Variants in PPP1R1A observed in about 807,000 individuals in gnomAD.
The protein encoded by PPP1R1A is protein phosphatase 1 regulatory subunit 1A.
Under a neutral mutation model 23.9 loss-of-function variants are expected in PPP1R1A, and 18 were observed. That is an observed-to-expected ratio of 0.75 (90% CI 0.52 to 1.12). The LOEUF is 1.12. Among genes scored for constraint, PPP1R1A ranks in the 50% most tolerant of loss-of-function variants. PPP1R1A has a pLI of 0.00. For synonymous variants in PPP1R1A, 84 were observed against 80.7 expected, an observed-to-expected ratio of 1.04 and a Z score of -0.22; for missense variants, 207 against 223.8, an observed-to-expected ratio of 0.92 and a Z score of 0.48.
intron 1 of PPP1R1A, among the ~76,000 whole-genome samples, chr12:54,587,814 C>T (rs1272948973): frequency 6.6e-6 from 1 of 152,178 alleles, no homozygotes; most frequent in East Asian, 1.9e-4. Flanking sequence ...GCCTACAACT[C>T]GACCACCCCT....
Position 54,581,777 on chromosome 12 carries a change from T to G in PPP1R1A, c.403+199A>C, listed in dbSNP as rs1957857786. On this transcript the variant is annotated intron_variant, in intron 5 of 6. Coordinates refer to ENST00000257905, the MANE Select transcript of PPP1R1A (RefSeq NM_006741.4). The surrounding 1 kb of genome is among the most constrained non-coding windows in gnomAD (Gnocchi z 4.1). ...GCTCTGAGGTTCAAGTTGGGAGGGC[T>G]TGGTGTCACTCAGTAAGGAAAAGTG... Among the ~76,000 whole-genome samples, 1 of 152,232 alleles carries G rather than the reference T, an allele frequency of 6.6e-6. No individual in the cohort carries two copies. Among genetic ancestry groups the G allele is most frequent in the African/African-American group, 2.4e-5 (1 of 41,452 alleles).
Position 54,581,897 on chromosome 12 carries a change from C to A in PPP1R1A, c.403+79G>T. 6.7e-7 allele frequency: 1 copy of A among 1,491,818 alleles called. No homozygotes were observed. Among genetic ancestry groups the A allele is most frequent in the South Asian group, 1.4e-5 (1 of 72,768 alleles). The allele number at this position is 1,491,818 out of a possible 1,614,324, so 92.4% of individuals were successfully genotyped here. On this transcript the variant is annotated intron_variant, in intron 5 of 6. Coordinates refer to ENST00000257905, the MANE Select transcript of PPP1R1A (RefSeq NM_006741.4). This position sits in a 1 kb window ranked among gnomAD's most constrained non-coding sequence, Gnocchi z 4.1. ...CCTCTCCCAGGCTCCAACTCTTTCC[C>A]CTCCCCGCAGTGGGTAAGGCTTGCC...
Position 54,580,079 on chromosome 12 carries a change from TC to T in PPP1R1A, c.*307del. On this transcript the variant is annotated 3_prime_UTR_variant, in exon 7 of 7. Coordinates refer to ENST00000257905, the MANE Select transcript of PPP1R1A (RefSeq NM_006741.4). ...CCACCTATCTGACCCTCATCTCTCT[TC>T]CCACAGCAAGTAAAGTCAGGGCTAA... is the stretch of plus-strand genomic sequence containing the variant. 1 of 1,103,952 alleles carries T rather than the reference TC, an allele frequency of 9.1e-7. No homozygotes were observed. Among genetic ancestry groups the T allele is most frequent in the Non-Finnish European group, 1.1e-6 (1 of 902,028 alleles). 68.4% of individuals were successfully genotyped at this position (1,103,952 alleles called of 1,614,324 possible).
In PPP1R1A at chr12:54,579,465, CTG is replaced by C. The variant is rs578040467; in HGVS notation, c.*920_*921del. On this transcript the variant is annotated 3_prime_UTR_variant, in exon 7 of 7. Coordinates refer to ENST00000257905, the MANE Select transcript of PPP1R1A (RefSeq NM_006741.4). ...CGCTTCTCAGGCTCTGCTCTTGCCT[CTG>C]TACCACATGCTTCAGCAGGGAGGGG... is the stretch of plus-strand genomic sequence containing the variant. 1.6e-4 allele frequency: 159 copies of C among 985,410 alleles called. No homozygotes were observed. In the African/African-American group the frequency reaches 2.6e-3, roughly 16 times the overall value. The allele number at this position is 985,410 out of a possible 1,614,324, so 61.0% of individuals were successfully genotyped here.
chr12:54,580,253 G>A lies in PPP1R1A; in HGVS notation c.*134C>T. ...CTCCCAGTTGGAAAAGAAGGAAAGT[G>A]CCAAGGACCTAACACCAAATTTATC... On this transcript the variant is annotated 3_prime_UTR_variant, in exon 7 of 7. Transcript: ENST00000257905. 3 of 1,487,964 alleles carry A rather than the reference G, an allele frequency of 2.0e-6. No individual in the cohort carries two copies. Among genetic ancestry groups the A allele is most frequent in the Non-Finnish European group, 2.7e-6 (3 of 1,114,888 alleles). 92.2% of individuals were successfully genotyped at this position (1,487,964 alleles called of 1,614,324 possible). A position where few individuals can be genotyped will look rare whatever the true frequency, so the allele number is the denominator to read the frequency against.
At chr12:54,580,729 A>C (rs1957846973) in intron 6 of PPP1R1A, among the ~76,000 whole-genome samples, 1 of 152,214 alleles carries the variant, frequency 6.6e-6, no homozygotes. Flanking sequence ...GAAGTCCTAC[A>C]CAAAGTCTAA....
At chr12:54,585,396 A>C (rs1400506688) in intron 1 of PPP1R1A, among the ~76,000 whole-genome samples, 2 of 151,954 alleles carry the variant, frequency 1.3e-5, no homozygotes, top group Non-Finnish European at 1.5e-5. Context: ...CTTTCCCCCC[A>C]CTGTTGTTCT....
At chr12:54,583,493 T>G (rs901470542) in intron 2 of PPP1R1A, among the ~76,000 whole-genome samples, 1 of 152,242 alleles carries the variant, frequency 6.6e-6, no homozygotes, top group Non-Finnish European at 1.5e-5. Flanking sequence ...AATTTGCGTC[T>G]GCATCTTTGC....
At chr12:54,587,343 G>A in intron 1 of PPP1R1A, among the ~76,000 whole-genome samples, 1 of 152,142 alleles carries the variant, frequency 6.6e-6, no homozygotes, top group South Asian at 2.1e-4. Flanking sequence ...GAGAAACAGA[G>A]AACTGACCTT....
rs1957844050 is a variant in PPP1R1A at position 54,580,456 on chromosome 12, C to CT, written c.511-65_511-64insA. 2.0e-6 allele frequency: 3 copies of CT among 1,481,962 alleles called. No homozygotes were observed. The East Asian group carries it at 6.8e-5, about 34-fold the overall frequency. 91.8% of individuals were successfully genotyped at this position (1,481,962 alleles called of 1,614,324 possible). ...GGCCAGAGGGTCATTTTGTCCCTTC[C>CT]CCTTCTGGCCATCCCATTTGTCAAC... is the stretch of plus-strand genomic sequence containing the variant. On this transcript the variant is annotated intron_variant, in intron 6 of 6. Transcript: ENST00000257905.
chr12:54,582,830 C>A (rs532929450), intron 3 of PPP1R1A, 35 bp from the exon 4 acceptor site: 232 of 1,600,488 alleles, frequency 1.4e-4, no homozygotes, highest in Non-Finnish European at 1.9e-4. Context: ...GGGCGCCAGC[C>A]CCCCCTTGCT....
chr12:54,583,397 C>T, intron 2 of PPP1R1A, 149 bp from the exon 3 acceptor site: 1 of 673,128 alleles, frequency 1.5e-6, no homozygotes. Flanking sequence ...CTCATGGCTG[C>T]CCCAGACCTC....
rs1957832195 is a variant in PPP1R1A, at chr12:54,579,561, A to G, written c.*826T>C. ...GGAAAATCAAAAACAGCAGCAGGAG[A>G]GAGGCCTGGCCGTGAGATCTGAGAC... On this transcript the variant is annotated 3_prime_UTR_variant, in exon 7 of 7. Coordinates refer to ENST00000257905, the MANE Select transcript of PPP1R1A (RefSeq NM_006741.4). The G allele has an allele frequency of 1.0e-6, 1 of 985,312 alleles. No individual in the cohort carries two copies. Among genetic ancestry groups the G allele is most frequent in the Non-Finnish European group, 1.2e-6 (1 of 829,944 alleles). 61.0% of individuals were successfully genotyped at this position (985,312 alleles called of 1,614,324 possible). A position where few individuals can be genotyped will look rare whatever the true frequency, so the allele number is the denominator to read the frequency against.
Position 54,579,727 on chromosome 12 carries a change from A to G in PPP1R1A, c.*660T>C. 5 of 985,528 alleles carry G rather than the reference A, an allele frequency of 5.1e-6. No homozygotes were observed. The highest frequency in any genetic ancestry group is 6.0e-6 in the Non-Finnish European group (5 of 830,004). 61.0% of individuals were successfully genotyped at this position (985,528 alleles called of 1,614,324 possible). A position where few individuals can be genotyped will look rare whatever the true frequency, so the allele number is the denominator to read the frequency against. ...TCCATTGTTGCTAACGGGTTGAAAT[A>G]AGGGACAGCGGTCCCACAGCTGGAA... is the stretch of plus-strand genomic sequence containing the variant. On this transcript the variant is annotated 3_prime_UTR_variant, in exon 7 of 7. Coordinates refer to ENST00000257905, the MANE Select transcript of PPP1R1A (RefSeq NM_006741.4).
At chr12:54,583,411 C>T (rs939127086) in intron 2 of PPP1R1A, among the ~76,000 whole-genome samples, 163 bp from the exon 3 acceptor site, 1 of 152,198 alleles carries the variant, frequency 6.6e-6, no homozygotes, top group African/African-American at 2.4e-5. Context: ...AGACCTCCTC[C>T]CCGAAGCTCC....
At chr12:54,583,755 C>A (rs968209088) in intron 2 of PPP1R1A, among the ~76,000 whole-genome samples, 1 of 152,192 alleles carries the variant, frequency 6.6e-6, no homozygotes, top group Non-Finnish European at 1.5e-5. Flanking sequence ...GCCTGTCCCC[C>A]TCGCTTCCAT....
chr12:54,582,886 C>T (rs1957870611), intron 3 of PPP1R1A, 91 bp from the exon 4 acceptor site: 3 of 1,342,386 alleles, frequency 2.2e-6, no homozygotes, highest in Non-Finnish European at 2.1e-6. Context: ...CCCTCCAGCC[C>T]CCCTTGCCTT....
At position 54,588,550 on chromosome 12, in the gene PPP1R1A, C is replaced by A; in HGVS notation, c.-62G>T. On this transcript the variant is annotated 5_prime_UTR_variant, in exon 1 of 7. Coordinates refer to ENST00000257905, the MANE Select transcript of PPP1R1A (RefSeq NM_006741.4). Reference sequence around the variant, plus strand: ...GGAGGGAAGGCGGCGGGACTCGGGGCTGGGGCGGGCGCGCTCCCTCTCCGC... The same window carrying A: ...GGAGGGAAGGCGGCGGGACTCGGGGATGGGGCGGGCGCGCTCCCTCTCCGC... 1 of 1,088,978 alleles carries A rather than the reference C, an allele frequency of 9.2e-7. No individual in the cohort carries two copies. The highest frequency in any genetic ancestry group is 3.1e-4 in the Middle Eastern group (1 of 3,184). The allele number at this position is 1,088,978 out of a possible 1,614,324, so 67.5% of individuals were successfully genotyped here. A position where few individuals can be genotyped will look rare whatever the true frequency, so the allele number is the denominator to read the frequency against.
intron 1 of PPP1R1A, among the ~76,000 whole-genome samples, chr12:54,585,090 G>A (rs775425173): frequency 2.6e-5 from 4 of 152,210 alleles, no homozygotes; most frequent in Admixed American, 1.3e-4. Flanking sequence ...CTTTTCAAGC[G>A]CCCCCCAGCC....
Sources: allele counts gnomAD v4.1 joint callset (sites outside exome capture counted in the v4.1 genomes callset), GRCh38; gene constraint gnomAD v4.1.1; non-coding constraint Gnocchi (gnomAD v3.1); transcripts MANE v1.5; gene names NCBI Gene and HGNC (gene_info 2026-07-23, HGNC 2026-07-21).